ADORA2A: variants seen among roughly 807,000 people sequenced by gnomAD.
The protein encoded by ADORA2A is adenosine receptor A2a.
ADORA2A carries 11 observed loss-of-function variants against 18.4 expected under a neutral mutation model. The observed-to-expected ratio is 0.60, with a 90% CI of 0.38 to 0.99. The LOEUF (loss-of-function observed/expected upper bound fraction) is 0.99. Ranked by LOEUF, ADORA2A falls within the 50% of genes least tolerant of loss-of-function variation. The probability of loss-of-function intolerance (pLI) is 0.01; values close to 1 mark genes in which losing one functional copy is unlikely to be tolerated. For synonymous variants in ADORA2A, 218 were observed against 237.3 expected (o/e 0.92, Z 0.75); for missense variants, 449 against 556.1 (o/e 0.81, Z 1.94).
chr22:24,430,847 T>C (rs1389134682), intron 1 of ADORA2A: 1 of 340,914 alleles, frequency 2.9e-6, no homozygotes, highest in Non-Finnish European at 5.8e-6. Flanking sequence ...GCAGGATCCC[T>C]GGGTAGAGGC....
chr22:24,424,499 C>T (rs975796614), upstream of ADORA2A: 3 of 151,992 alleles, frequency 2.0e-5, no homozygotes, highest in Non-Finnish European at 4.4e-5. This position sits in a 1 kb window ranked among gnomAD's most constrained non-coding sequence, Gnocchi z 4.9. Flanking sequence ...GGCCGGGCCC[C>T]GGGGCGAGGG....
intron 2 of ADORA2A, among the ~76,000 whole-genome samples, chr22:24,435,343 T>C (rs1482725728): frequency 6.6e-6 from 1 of 152,182 alleles, no homozygotes; most frequent in Non-Finnish European, 1.5e-5. Context: ...AACAAAGCAC[T>C]GGAGGGGACT....
At chr22:24,437,255 G>A (rs1464667793) in intron 2 of ADORA2A, among the ~76,000 whole-genome samples, 2 of 152,202 alleles carry the variant, frequency 1.3e-5, no homozygotes, top group African/African-American at 4.8e-5. Context: ...AGCAGCTCTG[G>A]GACCCACATT....
At chr22:24,433,878 C>T (rs1248984481) in intron 2 of ADORA2A, 142 bp downstream of exon 2, 18 of 952,264 alleles carry the variant, frequency 1.9e-5, no homozygotes, top group Non-Finnish European at 2.8e-5. Context: ...CCAGGCTCAG[C>T]AGGGGCTCCC....
chr22:24,441,168 C>T lies in ADORA2A; in HGVS notation c.918C>T (p.His306=), dbSNP rs200799056. The change falls in exon 3 of 3, where the codon CAC becomes CAT. Residue 306 remains histidine, a synonymous_variant. Transcript: ENST00000337539. ...RQTFRKIIRS[H]VLRQQEPFKA... is the part of the protein sequence containing the mutation. ...CCTTCCGCAAGATCATTCGCAGCCACGTCCTGAGGCAGCAAGAACCTTTCA... is the reference window on the plus strand; with the variant it reads ...CCTTCCGCAAGATCATTCGCAGCCATGTCCTGAGGCAGCAAGAACCTTTCA... 8 of 1,614,196 alleles carry T rather than the reference C, an allele frequency of 5.0e-6. No individual in the cohort carries two copies. The highest frequency in any genetic ancestry group is 1.7e-5 in the Admixed American group (1 of 60,036).
chr22:24,425,346 C>CG (rs1051681956), upstream of ADORA2A, among the ~76,000 whole-genome samples: 4 of 136,364 alleles, frequency 2.9e-5, no homozygotes, highest in African/African-American at 1.1e-4. Context: ...CACCCCCCCC[C>CG]CCCCCGCCCA....
chr22:24,438,365 C>T (rs1179797194), intron 2 of ADORA2A: 1 of 152,196 alleles, frequency 6.6e-6, no homozygotes, highest in Non-Finnish European at 1.5e-5. Context: ...ATATAGCTTC[C>T]CAGTCAATGA....
At chr22:24,424,550 C>T (rs1463523511), upstream of ADORA2A, 3 of 152,220 alleles carry the variant, frequency 2.0e-5, no homozygotes, top group African/African-American at 7.2e-5. The surrounding 1 kb of genome is among the most constrained non-coding windows in gnomAD (Gnocchi z 4.9). Flanking sequence ...ACCGGTTCCC[C>T]GGGAAGGTGA....
Position 24,440,585 on chromosome 22 carries a change from AC to A in ADORA2A, c.336del (p.Tyr112Ter). 3.9e-6 allele frequency: 6 copies of A among 1,557,052 alleles called. No homozygotes were observed. The highest frequency in any genetic ancestry group is 5.2e-6 in the Non-Finnish European group (6 of 1,149,098). On this transcript the variant is annotated frameshift_variant, in exon 3 of 3. Transcript: ENST00000337539. LOFTEE classifies it high-confidence loss of function. Reference sequence around the variant, plus strand: ...TGATGCTGGTCTCTTCTCCCCAGGTACAATGGCTTGGTGACCGGCACGAGGG... The same window carrying A: ...TGATGCTGGTCTCTTCTCCCCAGGTAAATGGCTTGGTGACCGGCACGAGGG... ...RYIAIRIPLR[Y>X]NGLVTGTRAK...
intron 1 of ADORA2A, among the ~76,000 whole-genome samples, chr22:24,428,296 C>T (rs1214626274): frequency 2.6e-5 from 4 of 152,234 alleles, no homozygotes; most frequent in Non-Finnish European, 5.9e-5. Context: ...GTTGATGCTT[C>T]TCAGTCCACC....
chr22:24,425,232 C>T (rs1467585300), upstream of ADORA2A, among the ~76,000 whole-genome samples: 2 of 151,668 alleles, frequency 1.3e-5, no homozygotes, highest in Admixed American at 6.6e-5. Flanking sequence ...TGGAGCACCG[C>T]GGGCCTGGGA....
At chr22:24,433,777 T>C in intron 2 of ADORA2A, 41 bp downstream of exon 2, 1 of 1,566,052 alleles carries the variant, frequency 6.4e-7, no homozygotes, top group Non-Finnish European at 8.6e-7. Context: ...AGGCTGTTGG[T>C]GCCCAGGCTT....
chr22:24,437,595 G>A (rs1216311044), intron 2 of ADORA2A, among the ~76,000 whole-genome samples: 3 of 152,086 alleles, frequency 2.0e-5, no homozygotes, highest in African/African-American at 7.3e-5. Flanking sequence ...GAACAAAAGA[G>A]TATAGTATAG....
At chr22:24,440,439 T>C (rs958362573) in intron 2 of ADORA2A, 144 bp from the exon 3 acceptor site, 14 of 769,926 alleles carry the variant, frequency 1.8e-5, no homozygotes, top group Non-Finnish European at 2.7e-5. Context: ...CGGAAGAGGA[T>C]GCTGGGGCGA....
Position 24,439,071 on chromosome 22 carries a change from CCTTT to C in ADORA2A, c.333-1511_333-1508del, listed in dbSNP as rs2043257249. Among the ~76,000 whole-genome samples the C allele has an allele frequency of 1.4e-4, 11 of 77,928 alleles. No homozygotes were observed. The South Asian group carries it at 5.8e-3, about 41-fold the overall frequency. The allele number at this position is 77,928 out of a possible 152,430, so 51.1% of individuals were successfully genotyped here. ...AGTAGAGCACATCCTTCCCCTTGCA[CCTTT>C]TTTTTTTTTTTTTTTTTTTTTTTTT... On this transcript the variant is annotated intron_variant, in intron 2 of 2. Coordinates refer to ENST00000337539, the MANE Select transcript of ADORA2A (RefSeq NM_000675.6).
At position 24,441,263 on chromosome 22, in the gene ADORA2A, T is replaced by C; in HGVS notation, c.1013T>C (p.Leu338Pro). ...GSDGEQVSLR[L>P]NGHPPGVWAN... ...GACGGAGAGCAGGTCAGCCTCCGTC[T>C]CAACGGCCACCCGCCAGGAGTGTGG... is the stretch of plus-strand genomic sequence containing the variant. Residue 338 changes from leucine to proline, a missense_variant, in exon 3 of 3, where the codon CTC becomes CCC. Leu to Pro is a moderately conservative substitution (Grantham distance 98). Coordinates refer to ENST00000337539, the MANE Select transcript of ADORA2A (RefSeq NM_000675.6). The C allele has an allele frequency of 6.2e-7, 1 of 1,613,300 alleles. No homozygotes were observed. Among genetic ancestry groups the C allele is most frequent in the Non-Finnish European group, 8.5e-7 (1 of 1,179,836 alleles).
rs939477540 is a variant in ADORA2A at position 24,440,908 on chromosome 22, C to T, written c.658C>T (p.Arg220Trp). The T allele has an allele frequency of 3.1e-6, 5 of 1,614,056 alleles. No homozygotes were observed. The highest frequency in any genetic ancestry group is 4.5e-5 in the East Asian group (2 of 44,894). The change falls in exon 3 of 3, where the codon CGG becomes TGG. Residue 220 changes from arginine (R) to tryptophan (W), a missense_variant. Transcript: ENST00000337539. ...GGAGAGCCAGCCTCTGCCGGGGGAG[C>T]GGGCACGGTCCACACTGCAGAAGGA... ...QMESQPLPGE[R>W]ARSTLQKEVH...
At chr22:24,426,498 G>A (rs1023294017), upstream of ADORA2A, among the ~76,000 whole-genome samples, 6 of 152,202 alleles carry the variant, frequency 3.9e-5, no homozygotes, top group Non-Finnish European at 5.9e-5. Flanking sequence ...TTGACAGGAG[G>A]GGCTTGGTCC....
Position 24,433,294 on chromosome 22 carries a change from G to C in ADORA2A, c.-111G>C. The stretch of plus-strand genomic sequence containing the variant: ...TGTGAGGAAGGGGCTCAGGGGTCTG[G>C]GCCCCTCCGCCTGGGCCGGGCTGGG... On this transcript the variant is annotated 5_prime_UTR_variant, in exon 2 of 3. Coordinates refer to ENST00000337539, the MANE Select transcript of ADORA2A (RefSeq NM_000675.6). The C allele has an allele frequency of 9.3e-7, 1 of 1,073,706 alleles. No individual in the cohort carries two copies. 66.5% of individuals were successfully genotyped at this position (1,073,706 alleles called of 1,614,324 possible).
Sources: gnomAD v4.1 joint callset for allele counts (sites outside exome capture counted in the v4.1 genomes callset) on GRCh38, gnomAD v4.1.1 for gene constraint, Gnocchi (gnomAD v3.1) non-coding constraint, MANE v1.5 for transcripts, NCBI Gene and HGNC (gene_info 2026-07-23, HGNC 2026-07-21) for gene names.